HIBCH: variants seen among roughly 807,000 people sequenced by gnomAD.
The protein encoded by HIBCH is 3-hydroxyisobutyryl-CoA hydrolase.
HIBCH carries 50 observed loss-of-function variants against 58.2 expected under a neutral mutation model. The ratio of observed to expected loss-of-function variants is 0.86; its 90% CI spans 0.68 to 1.09. HIBCH has a LOEUF of 1.09. HIBCH is among the 50% of genes least tolerant of loss of function. The pLI is 0.00. For synonymous variants in HIBCH, 151 were observed against 146.9 expected (o/e 1.03, Z -0.20); for missense variants, 450 against 449.7 (o/e 1.00, Z -0.01).
rs1258183089 is a variant in HIBCH at position 190,204,358 on chromosome 2, G to C, written c.*759C>G. The stretch of plus-strand genomic sequence containing the variant: ...AGTTTCCTAATTTCTCATTCTACCA[G>C]ATTAACAAATATCACAAATAACAAG... On this transcript the variant is annotated 3_prime_UTR_variant, in exon 14 of 14. Coordinates refer to ENST00000359678, the MANE Select transcript of HIBCH (RefSeq NM_014362.4). The C allele has an allele frequency of 6.6e-6, 1 of 152,020 alleles. No homozygotes were observed. Among genetic ancestry groups the C allele is most frequent in the Non-Finnish European group, 1.5e-5 (1 of 67,956 alleles). The allele number at this position is 152,020 out of a possible 1,614,324, so 9.4% of individuals were successfully genotyped here. A position where few individuals can be genotyped will look rare whatever the true frequency, so the allele number is the denominator to read the frequency against.
chr2:190,251,399 T>C, intron 8 of HIBCH: 1 of 300,954 alleles, frequency 3.3e-6, no homozygotes. Context: ...GGTTCAGGAA[T>C]AAGATAAGCC....
At chr2:190,318,572 C>G (rs890963536) in intron 1 of HIBCH, among the ~76,000 whole-genome samples, 6 of 152,176 alleles carry the variant, frequency 3.9e-5, no homozygotes, top group Non-Finnish European at 8.8e-5. Context: ...TGGTCCTGGC[C>G]TCACCTACAG....
chr2:190,248,929 C>A (rs2664274), intron 9 of HIBCH, among the ~76,000 whole-genome samples: 45,039 of 151,732 alleles, frequency 0.3, 7,484 homozygotes, highest in East Asian at 0.45. Context: ...CATTCTACAC[C>A]CTAGTCTTCA....
chr2:190,250,159 GA>G (rs1448547102), intron 8 of HIBCH: 1 of 316,638 alleles, frequency 3.2e-6, no homozygotes, highest in Non-Finnish European at 6.2e-6. Context: ...AGCCAAACAG[GA>G]CTTTTTACTG....
chr2:190,222,678 G>A (rs1429488075), intron 11 of HIBCH, among the ~76,000 whole-genome samples: 5 of 152,218 alleles, frequency 3.3e-5, no homozygotes, highest in African/African-American at 4.8e-5. Context: ...TGGTGGGACT[G>A]TAAACTAGTT....
chr2:190,289,861 AT>A (rs1368429845), intron 5 of HIBCH, among the ~76,000 whole-genome samples: 1 of 152,154 alleles, frequency 6.6e-6, no homozygotes, highest in Non-Finnish European at 1.5e-5. Flanking sequence ...CTACCACATG[AT>A]GAGAAATCCA....
chr2:190,305,973 C>T (rs1688393962), intron 2 of HIBCH, among the ~76,000 whole-genome samples: 1 of 152,136 alleles, frequency 6.6e-6, no homozygotes, highest in African/African-American at 2.4e-5. Context: ...TTCTCAGGCA[C>T]TTTTCCATAA....
chr2:190,313,643 C>CAAAAAAAAA (rs546101154), intron 1 of HIBCH, among the ~76,000 whole-genome samples: 3 of 78,888 alleles, frequency 3.8e-5, no homozygotes, highest in African/African-American at 1.0e-4. Flanking sequence ...CTCTGTCTCA[C>CAAAAAAAAA]AAAAAAAAAA....
Position 190,221,751 on chromosome 2 carries a change from G to A in HIBCH, c.892-8676C>T, listed in dbSNP as rs548382535. 3.3e-5 allele frequency among the ~76,000 whole-genome samples: 5 copies of A among 152,254 alleles called. No homozygotes were observed. The East Asian group carries it at 7.7e-4, about 24-fold the overall frequency. On this transcript the variant is annotated intron_variant, in intron 11 of 13. Transcript: ENST00000359678. ...GAGAGAGGAGGAGAAGTAGCAAGAC[G>A]ACGGAGACTACGGTTGGACATTGGA... is the stretch of plus-strand genomic sequence containing the variant.
chr2:190,221,258 TGCTGGGTTAGAATCCTAG>T (rs1222761538), intron 11 of HIBCH, among the ~76,000 whole-genome samples: 1 of 152,080 alleles, frequency 6.6e-6, no homozygotes, highest in Non-Finnish European at 1.5e-5. Context: ...CGTCAGAGAG[TGCTGGGTTAGAATCCTAG>T]GCTTCACCAC....
chr2:190,278,692 T>C (rs1490149864), intron 6 of HIBCH, among the ~76,000 whole-genome samples: 1 of 130,702 alleles, frequency 7.7e-6, no homozygotes, highest in African/African-American at 3.0e-5. Context: ...CTAGGTCTCA[T>C]AGCACCACTG....
intron 6 of HIBCH, among the ~76,000 whole-genome samples, chr2:190,270,591 T>C (rs1022147036): frequency 1.3e-5 from 2 of 152,244 alleles, no homozygotes; most frequent in Admixed American, 1.3e-4. Flanking sequence ...GAGTATGTGA[T>C]AGCCTATCGC....
intron 11 of HIBCH, among the ~76,000 whole-genome samples, chr2:190,239,079 T>C (rs974447860): frequency 1.3e-5 from 2 of 152,238 alleles, no homozygotes; most frequent in Non-Finnish European, 2.9e-5. Flanking sequence ...GGTTCTCTTC[T>C]AGGGTTTTTA....
intron 10 of HIBCH, among the ~76,000 whole-genome samples, chr2:190,245,722 C>T (rs185669331): frequency 5.9e-5 from 9 of 152,226 alleles, no homozygotes; most frequent in Admixed American, 5.2e-4. Context: ...GCTGGCCAGG[C>T]ATCACGCCTG....
At chr2:190,285,643 C>T (rs745468037) in intron 6 of HIBCH, among the ~76,000 whole-genome samples, 2 of 151,282 alleles carry the variant, frequency 1.3e-5, no homozygotes, top group Non-Finnish European at 2.9e-5. Flanking sequence ...TCAAAAATTC[C>T]ACCTTTTGGC....
chr2:190,300,845 G>A (rs1216393777), intron 2 of HIBCH, among the ~76,000 whole-genome samples: 4 of 152,134 alleles, frequency 2.6e-5, no homozygotes, highest in African/African-American at 7.2e-5. Context: ...TGTAAGCAAG[G>A]GGTCCGGTTT....
chr2:190,244,808 A>C, intron 11 of HIBCH, 79 bp downstream of exon 11: 1 of 897,590 alleles, frequency 1.1e-6, no homozygotes, highest in South Asian at 1.3e-5. Flanking sequence ...CCAATGGAGC[A>C]CTAATACCCC....
At chr2:190,305,782 A>G (rs1275327729) in intron 2 of HIBCH, among the ~76,000 whole-genome samples, 3 of 152,166 alleles carry the variant, frequency 2.0e-5, no homozygotes, top group Non-Finnish European at 4.4e-5. Context: ...ACTTATTTCT[A>G]TAAAGTCAGG....
chr2:190,296,115 C>T (rs1172021164), intron 3 of HIBCH, among the ~76,000 whole-genome samples: 1 of 152,106 alleles, frequency 6.6e-6, no homozygotes. Flanking sequence ...TGAGAAAAAG[C>T]AGGCAGTTTA....
Sources: allele counts gnomAD v4.1 joint callset (sites outside exome capture counted in the v4.1 genomes callset), GRCh38; gene constraint gnomAD v4.1.1; transcripts MANE v1.5; gene names NCBI Gene and HGNC (gene_info 2026-07-23, HGNC 2026-07-21).